SVEP1: variants seen among roughly 807,000 people sequenced by gnomAD.
SVEP1 encodes the protein sushi, von Willebrand factor type A, EGF and pentraxin domain-containing protein 1.
In SVEP1, 164 loss-of-function variants were observed where a neutral mutation model predicts 367.3. That is an observed-to-expected ratio of 0.45 (90% CI 0.39 to 0.51). The LOEUF (loss-of-function observed/expected upper bound fraction) is 0.51, where lower values mean the gene tolerates loss of function less well. Among genes scored for constraint, SVEP1 ranks in the 20% least tolerant of loss-of-function variants. The pLI is 0.00. For missense variants in SVEP1, 4,117 were observed against 4,425.3 expected (o/e 0.93, Z 1.98); for synonymous variants, 1,666 against 1,611.6 (o/e 1.03, Z -0.81).
chr9:110,373,195 G>A (rs1003207414), intron 46 of SVEP1, among the ~76,000 whole-genome samples: 2 of 152,182 alleles, frequency 1.3e-5, no homozygotes, highest in Non-Finnish European at 2.9e-5. Flanking sequence ...CAGGAGAAAC[G>A]TGGGTAAATA....
At chr9:110,573,458 C>T (rs1830589294) in intron 1 of SVEP1, among the ~76,000 whole-genome samples, 2 of 152,190 alleles carry the variant, frequency 1.3e-5, no homozygotes. Flanking sequence ...CACTTCTGCC[C>T]ACACATTCCC....
At chr9:110,399,627 G>A (rs1035039799) in intron 40 of SVEP1, among the ~76,000 whole-genome samples, 15 of 152,028 alleles carry the variant, frequency 9.9e-5, no homozygotes, top group African/African-American at 3.6e-4. Flanking sequence ...TCTGCCTCCT[G>A]GGCTTAAGTG....
At chr9:110,513,504 C>T (rs1042091296) in intron 4 of SVEP1, among the ~76,000 whole-genome samples, 10 of 152,168 alleles carry the variant, frequency 6.6e-5, no homozygotes, top group Non-Finnish European at 1.5e-4. Context: ...GCCACAGCTT[C>T]TTGCACATGG....
At chr9:110,396,697 T>TGA in intron 40 of SVEP1, among the ~76,000 whole-genome samples, 1 of 68,918 alleles carries the variant, frequency 1.5e-5, no homozygotes. Context: ...CAAACTACCA[T>TGA]CAGAATACTA....
At chr9:110,557,192 T>C (rs1268923818) in intron 1 of SVEP1, among the ~76,000 whole-genome samples, 2 of 152,234 alleles carry the variant, frequency 1.3e-5, no homozygotes, top group Non-Finnish European at 2.9e-5. Context: ...TATTCTAGTA[T>C]GTTTTCATTT....
intron 1 of SVEP1, among the ~76,000 whole-genome samples, chr9:110,562,472 G>A (rs1830444981): frequency 6.6e-6 from 1 of 152,072 alleles, no homozygotes; most frequent in African/African-American, 2.4e-5. Flanking sequence ...CTAATGTCAA[G>A]AGGTCAAAGG....
chr9:110,574,896 C>G (rs1218716800), intron 1 of SVEP1, among the ~76,000 whole-genome samples: 1 of 151,936 alleles, frequency 6.6e-6, no homozygotes, highest in Non-Finnish European at 1.5e-5. Flanking sequence ...CAGGCACCCA[C>G]CACCACGCCC....
chr9:110,534,874 T>C (rs557676204), intron 3 of SVEP1, among the ~76,000 whole-genome samples: 3 of 152,162 alleles, frequency 2.0e-5, no homozygotes, highest in Non-Finnish European at 2.9e-5. Context: ...GGTTGCTTTT[T>C]TTCTTGTAAA....
chr9:110,428,939 G>T (rs1464011012), intron 35 of SVEP1, among the ~76,000 whole-genome samples: 1 of 152,070 alleles, frequency 6.6e-6, no homozygotes, highest in Non-Finnish European at 1.5e-5. Flanking sequence ...GCATAGTGAC[G>T]CACACCTGTA....
At position 110,443,646 on chromosome 9, in the gene SVEP1, A is replaced by G; in HGVS notation, c.4538T>C (p.Ile1513Thr). ...ATTGGCACTTGTCCAAGTGATTGCA[A>G]TATGATGCCATCTGCCATCATTCAC... is the stretch of plus-strand genomic sequence containing the variant. ...PSVNDGRWHH[I>T]AITWTSANGI... is the part of the protein sequence containing the mutation. The change falls in exon 27 of 48, where the codon ATT becomes ACT. Residue 1513 changes from isoleucine to threonine, a missense_variant. Around this residue, in one of 4 missense-constraint regions of SVEP1, gnomAD observed 2,174 missense variants for 2,494.3 expected, o/e 0.87. Transcript: ENST00000374469. 1.2e-6 allele frequency: 2 copies of G among 1,613,290 alleles called. No homozygotes were observed. Among genetic ancestry groups the G allele is most frequent in the Non-Finnish European group, 1.7e-6 (2 of 1,179,630 alleles).
At chr9:110,507,289 T>C (rs1362892230) in intron 5 of SVEP1, among the ~76,000 whole-genome samples, 1 of 152,250 alleles carries the variant, frequency 6.6e-6, no homozygotes, top group Non-Finnish European at 1.5e-5. Flanking sequence ...CTTCTACTTT[T>C]CTGCATTTGC....
chr9:110,392,185 T>A (rs10817006), intron 40 of SVEP1, among the ~76,000 whole-genome samples: 45,638 of 145,754 alleles, frequency 0.31, 7,285 homozygotes, highest in African/African-American at 0.33. Flanking sequence ...TGGTTCTCTT[T>A]CTTTGGAGAC....
chr9:110,452,889 C>T (rs1227490648), intron 22 of SVEP1, among the ~76,000 whole-genome samples: 1 of 152,098 alleles, frequency 6.6e-6, no homozygotes, highest in African/African-American at 2.4e-5. Context: ...TAAAATGTCT[C>T]CCTATATATA....
intron 39 of SVEP1, among the ~76,000 whole-genome samples, chr9:110,403,296 G>GTTTCTTTTTTTT (rs1827893343): frequency 2.3e-5 from 1 of 43,454 alleles, no homozygotes; most frequent in African/African-American, 1.2e-4. Context: ...CGCCACCGCC[G>GTTTCTTTTTTTT]TTTTTTTTTT....
chr9:110,506,751 G>A (rs893524191), intron 5 of SVEP1, among the ~76,000 whole-genome samples: 2 of 152,114 alleles, frequency 1.3e-5, no homozygotes, highest in African/African-American at 4.8e-5. Flanking sequence ...AGCAGGGGAA[G>A]GAGGGAGGAG....
chr9:110,470,293 G>A (rs942886777), intron 16 of SVEP1, among the ~76,000 whole-genome samples: 1 of 152,072 alleles, frequency 6.6e-6, no homozygotes, highest in Non-Finnish European at 1.5e-5. Context: ...GCACACCATT[G>A]TGAATGTACT....
chr9:110,519,365 T>C (rs568890801), intron 3 of SVEP1, among the ~76,000 whole-genome samples: 1 of 152,282 alleles, frequency 6.6e-6, no homozygotes, highest in African/African-American at 2.4e-5. Flanking sequence ...AAATATTACC[T>C]TCCTTTCTTT....
intron 7 of SVEP1, among the ~76,000 whole-genome samples, chr9:110,498,635 G>A (rs1199905384): frequency 6.6e-6 from 1 of 151,924 alleles, no homozygotes; most frequent in South Asian, 2.1e-4. Context: ...TTTTCATAGC[G>A]GTCTGCTCTT....
intron 40 of SVEP1, among the ~76,000 whole-genome samples, chr9:110,390,359 A>ACACATACTTATATATACTTATATAAG (rs1827634987): frequency 1.7e-5 from 1 of 57,704 alleles, no homozygotes; most frequent in African/African-American, 1.0e-4. Flanking sequence ...ACTTATATAT[A>ACACATACTTATATATACTTATATAAG]TATACTTATA....
Sources: allele counts gnomAD v4.1 joint callset (sites outside exome capture counted in the v4.1 genomes callset), GRCh38; gene constraint gnomAD v4.1.1; regional missense constraint gnomAD v4.1.1; transcripts MANE v1.5; gene names NCBI Gene and HGNC (gene_info 2026-07-23, HGNC 2026-07-21).